ANO2: variants seen among roughly 807,000 people sequenced by gnomAD.
ANO2 encodes anoctamin 2.
A neutral mutation model predicts 124.2 loss-of-function variants in ANO2; 101 were observed. The observed-to-expected ratio is 0.81, with a 90% confidence interval of 0.69 to 0.96. The LOEUF (loss-of-function observed/expected upper bound fraction) is 0.96, where lower values mean the gene tolerates loss of function less well. Among genes scored for constraint, ANO2 ranks in the 40% least tolerant of loss-of-function variants. ANO2 has a pLI of 0.00. For missense variants in ANO2, 1,293 were observed against 1,274.5 expected, an observed-to-expected ratio of 1.01 and a Z score of -0.22; for synonymous variants, 486 against 482.5, an observed-to-expected ratio of 1.01 and a Z score of -0.09.
chr12:5,859,117 T>C (rs1218744973), intron 3 of ANO2, among the ~76,000 whole-genome samples: 1 of 152,168 alleles, frequency 6.6e-6, no homozygotes. Flanking sequence ...GAAGATGTTA[T>C]AAATAAGTAA....
intron 1 of ANO2, among the ~76,000 whole-genome samples, chr12:5,930,457 G>A (rs11613774): frequency 0.13 from 20,215 of 152,098 alleles, 1,512 homozygotes; most frequent in East Asian, 0.18. Context: ...AGACGGGTAG[G>A]TGCGGACTCG....
intron 10 of ANO2, among the ~76,000 whole-genome samples, chr12:5,753,337 T>G (rs1437309625): frequency 6.6e-6 from 1 of 152,158 alleles, no homozygotes; most frequent in Non-Finnish European, 1.5e-5. Flanking sequence ...AATTAAGTAT[T>G]CATCTTGTGC....
chr12:5,660,470 T>C lies in ANO2; in HGVS notation c.1546-12669A>G, dbSNP rs371127093. On this transcript the variant is annotated intron_variant, in intron 14 of 24. Coordinates refer to ENST00000682330, the MANE Select transcript of ANO2 (RefSeq NM_001364791.2). Reference sequence around the variant, plus strand: ...TTCCATAGCAAAACCTTAGCATGACTCCTCTCCTCACTCTCCACCCAGCTC... The same window carrying C: ...TTCCATAGCAAAACCTTAGCATGACCCCTCTCCTCACTCTCCACCCAGCTC... 2.2e-4 allele frequency among the ~76,000 whole-genome samples: 22 copies of C among 100,080 alleles called. 1 individual carries two copies. The highest frequency in any genetic ancestry group is 9.4e-4 in the African/African-American group (22 of 23,288). 65.7% of individuals were successfully genotyped at this position (100,080 alleles called of 152,430 possible). A position where few individuals can be genotyped will look rare whatever the true frequency, so the allele number is the denominator to read the frequency against.
intron 3 of ANO2, chr12:5,870,213 C>T (rs138558568): frequency 6.6e-6 from 1 of 152,268 alleles, no homozygotes. Flanking sequence ...TTCATTACAC[C>T]CCAAGCCAAC....
chr12:5,572,391 T>C (rs898328766), intron 23 of ANO2, among the ~76,000 whole-genome samples: 2 of 152,182 alleles, frequency 1.3e-5, no homozygotes, highest in East Asian at 3.8e-4. Flanking sequence ...TCAATGTGAT[T>C]GTCTCCATGG....
At chr12:5,909,358 G>A (rs563972430) in intron 3 of ANO2, among the ~76,000 whole-genome samples, 78 of 152,250 alleles carry the variant, frequency 5.1e-4, no homozygotes, top group South Asian at 8.3e-4. Flanking sequence ...CTTTATTCAT[G>A]TTACTTTTTA....
At chr12:5,796,813 C>A (rs947911762) in intron 10 of ANO2, among the ~76,000 whole-genome samples, 1 of 152,188 alleles carries the variant, frequency 6.6e-6, no homozygotes, top group South Asian at 2.1e-4. Flanking sequence ...GCCTGAAGGC[C>A]TGCGGAAGGG....
intron 10 of ANO2, among the ~76,000 whole-genome samples, chr12:5,785,565 G>A (rs1952516128): frequency 6.6e-6 from 1 of 152,070 alleles, no homozygotes; most frequent in South Asian, 2.1e-4. Context: ...GTCACTGGTT[G>A]TGCAGATAAG....
At chr12:5,762,162 T>C (rs1003084163) in intron 10 of ANO2, among the ~76,000 whole-genome samples, 1 of 152,060 alleles carries the variant, frequency 6.6e-6, no homozygotes, top group Non-Finnish European at 1.5e-5. Context: ...CTAAGTTAAA[T>C]TAAATGATGG....
chr12:5,635,649 A>G lies in ANO2; in HGVS notation c.1621-302T>C, dbSNP rs111945163. 1.8e-3 allele frequency among the ~76,000 whole-genome samples: 272 copies of G among 150,810 alleles called. 2 individuals carry two copies. Among genetic ancestry groups the G allele is most frequent in the Middle Eastern group, 6.8e-3 (2 of 292 alleles). On this transcript the variant is annotated intron_variant, in intron 15 of 24. Coordinates refer to ENST00000682330, the MANE Select transcript of ANO2 (RefSeq NM_001364791.2). This position sits in a 1 kb window ranked among gnomAD's most constrained non-coding sequence, Gnocchi z 5.2. Reference sequence around the variant, plus strand: ...CACACAATAAGGATGAACATGCTGGACCCTGTGGAGTGTTCAACACACATG... The same window carrying G: ...CACACAATAAGGATGAACATGCTGGGCCCTGTGGAGTGTTCAACACACATG...
chr12:5,602,804 T>C (rs551901666), intron 19 of ANO2, among the ~76,000 whole-genome samples: 3 of 152,112 alleles, frequency 2.0e-5, no homozygotes, highest in Admixed American at 2.0e-4. Flanking sequence ...CCTCTACAAA[T>C]AATTGGGAAT....
At position 5,744,266 on chromosome 12, in the gene ANO2, G is replaced by C; in HGVS notation, c.1242C>G (p.Asp414Glu). 4.3e-6 allele frequency: 7 copies of C among 1,613,990 alleles called. No homozygotes were observed. Among genetic ancestry groups the C allele is most frequent in the Non-Finnish European group, 5.9e-6 (7 of 1,179,878 alleles). The stretch of plus-strand genomic sequence containing the variant: ...TGAGGTTCCAGTAATCACAGGACTT[G>C]TCACACAGGGGACACATGGTGAAGG... ...QNAFTMCPLCDKSCDYWNLSS... is the reference protein window; with the variant it reads ...QNAFTMCPLCEKSCDYWNLSS... The change falls in exon 12 of 25, where the codon GAC becomes GAG. Residue 414 changes from aspartate to glutamate, a missense_variant. By Grantham distance (45) the Asp-to-Glu change is conservative. Transcript: ENST00000682330.
intron 3 of ANO2, among the ~76,000 whole-genome samples, chr12:5,888,755 T>C (rs901116169): frequency 2.6e-5 from 4 of 152,092 alleles, no homozygotes; most frequent in Non-Finnish European, 5.9e-5. Context: ...AGAGTGCCAA[T>C]TGGTGTATTT....
chr12:5,604,777 G>A (rs1185445482), intron 19 of ANO2, among the ~76,000 whole-genome samples: 1 of 152,004 alleles, frequency 6.6e-6, no homozygotes, highest in African/African-American at 2.4e-5. Context: ...CTCCAGAGCA[G>A]AATTTAACAG....
At chr12:5,793,554 AG>A (rs1337773109) in intron 10 of ANO2, among the ~76,000 whole-genome samples, 2 of 152,236 alleles carry the variant, frequency 1.3e-5, no homozygotes, top group Non-Finnish European at 2.9e-5. Flanking sequence ...AAGCTGATCA[AG>A]GAGGCAATGA....
At chr12:5,642,233 G>A (rs932692004) in intron 15 of ANO2, among the ~76,000 whole-genome samples, 13 of 151,988 alleles carry the variant, frequency 8.6e-5, no homozygotes, top group African/African-American at 3.1e-4. Flanking sequence ...CCGGGACTTG[G>A]TCCTTGGAAA....
At chr12:5,795,166 T>C (rs1269419731) in intron 10 of ANO2, among the ~76,000 whole-genome samples, 1 of 152,188 alleles carries the variant, frequency 6.6e-6, no homozygotes, top group Non-Finnish European at 1.5e-5. Context: ...ATCCCATTCG[T>C]GGCATGTCAG....
At chr12:5,806,114 T>C (rs1332227654) in intron 8 of ANO2, 21 bp from the exon 9 acceptor site, 2 of 1,610,162 alleles carry the variant, frequency 1.2e-6, no homozygotes, top group South Asian at 1.1e-5. Context: ...AAAGTGATGC[T>C]GGATAAAGCC....
chr12:5,731,301 G>A (rs767407256), intron 14 of ANO2, among the ~76,000 whole-genome samples: 25 of 151,222 alleles, frequency 1.7e-4, no homozygotes, highest in African/African-American at 2.9e-4. Flanking sequence ...CTTGGTCTTC[G>A]TCTAGGAAAA....
Sources: gnomAD v4.1 joint callset for allele counts (sites outside exome capture counted in the v4.1 genomes callset) on GRCh38, gnomAD v4.1.1 for gene constraint, Gnocchi (gnomAD v3.1) non-coding constraint, MANE v1.5 for transcripts, NCBI Gene and HGNC (gene_info 2026-07-23, HGNC 2026-07-21) for gene names.